The following MED13L variants were observed in gnomAD, a reference collection of about 807,000 sequenced individuals.
MED13L encodes mediator complex subunit 13L.
In MED13L, 7 loss-of-function variants were observed where a neutral mutation model predicts 220.9. The ratio of observed to expected loss-of-function variants is 0.03; its 90% CI spans 0.02 to 0.06. The LOEUF (loss-of-function observed/expected upper bound fraction) is 0.06. Ranked by LOEUF, MED13L falls within the 10% of genes least tolerant of loss-of-function variation. The pLI is 1.00. For synonymous variants in MED13L, 1,011 were observed against 1,015.2 expected (o/e 1.00, Z 0.08); for missense variants, 1,965 against 2,760.5 (o/e 0.71, Z 6.46).
rs142641802 is a variant in MED13L at position 115,999,339 on chromosome 12, C to T, written c.2570-2109G>A. On this transcript the variant is annotated intron_variant, in intron 14 of 30. Coordinates refer to ENST00000281928, the MANE Select transcript of MED13L (RefSeq NM_015335.5). Reference sequence around the variant, plus strand: ...TGAGGTGGCAGAGATTGCAGTGAGCCGAGATCTCGCCACTGCAATCCAGCC... The same window carrying T: ...TGAGGTGGCAGAGATTGCAGTGAGCTGAGATCTCGCCACTGCAATCCAGCC... Among the ~76,000 whole-genome samples the T allele has an allele frequency of 8.7e-4, 132 of 151,496 alleles. 1 individual carries two copies. The highest frequency in any genetic ancestry group is 2.9e-3 in the African/African-American group (118 of 41,278).
At chr12:116,076,430 A>G (rs1870808841) in intron 4 of MED13L, among the ~76,000 whole-genome samples, 1 of 152,074 alleles carries the variant, frequency 6.6e-6, no homozygotes, top group Non-Finnish European at 1.5e-5. Context: ...TCTGTTACTT[A>G]GGAGGCTGAG....
intron 4 of MED13L, among the ~76,000 whole-genome samples, chr12:116,094,720 T>C (rs1203310643): frequency 1.3e-5 from 2 of 152,202 alleles, no homozygotes; most frequent in Non-Finnish European, 2.9e-5. Context: ...ATGTTAGGCA[T>C]GGACAGATGT....
chr12:116,264,452 T>C (rs1872699943), intron 1 of MED13L, among the ~76,000 whole-genome samples: 1 of 152,036 alleles, frequency 6.6e-6, no homozygotes, highest in African/African-American at 2.4e-5. Context: ...AAATGGAAAA[T>C]TTCTAGCTAA....
chr12:116,015,754 C>T (rs1879688281), intron 7 of MED13L, among the ~76,000 whole-genome samples: 3 of 151,944 alleles, frequency 2.0e-5, no homozygotes, highest in Admixed American at 6.6e-5. Flanking sequence ...CACACAGTGC[C>T]CTGGGTAGGA....
intron 2 of MED13L, 78 bp from the exon 3 acceptor site, chr12:116,111,590 T>C: frequency 1.8e-6 from 2 of 1,113,366 alleles, no homozygotes; most frequent in South Asian, 2.8e-5. Context: ...TTAAAACATT[T>C]TTCTAAAGCA....
chr12:116,061,454 A>G (rs1413213434), intron 4 of MED13L, among the ~76,000 whole-genome samples: 1 of 152,184 alleles, frequency 6.6e-6, no homozygotes, highest in African/African-American at 2.4e-5. Flanking sequence ...CCTTAAGTCA[A>G]TTAACTTCTC....
chr12:116,099,695 AT>A (rs1221227118), intron 3 of MED13L, among the ~76,000 whole-genome samples: 1 of 152,250 alleles, frequency 6.6e-6, no homozygotes, highest in African/African-American at 2.4e-5. Flanking sequence ...CAAATTCTAT[AT>A]GCTGGACTTC....
intron 2 of MED13L, among the ~76,000 whole-genome samples, chr12:116,145,296 G>A (rs1167694208): frequency 1.3e-5 from 2 of 152,134 alleles, no homozygotes; most frequent in Non-Finnish European, 2.9e-5. Flanking sequence ...AGGACTCCAT[G>A]GTGTGCATAC....
At chr12:116,008,232 C>T in intron 10 of MED13L, 169 bp downstream of exon 10, 3 of 940,628 alleles carry the variant, frequency 3.2e-6, no homozygotes, top group Non-Finnish European at 3.1e-6. Flanking sequence ...GTGTGCTAAC[C>T]TATAAGTAGG....
intron 4 of MED13L, among the ~76,000 whole-genome samples, chr12:116,075,816 G>A (rs1330495446): frequency 6.6e-6 from 1 of 151,990 alleles, no homozygotes; most frequent in East Asian, 1.9e-4. Context: ...ACCATAAAGA[G>A]TATGCTATAA....
chr12:116,256,504 T>A (rs549537204), intron 1 of MED13L, among the ~76,000 whole-genome samples: 8 of 152,198 alleles, frequency 5.3e-5, no homozygotes, highest in Admixed American at 2.0e-4. Context: ...ATCATAAAAA[T>A]GTTCTCTACT....
intron 2 of MED13L, among the ~76,000 whole-genome samples, chr12:116,155,264 A>C (rs1197574322): frequency 1.3e-5 from 2 of 152,144 alleles, no homozygotes; most frequent in Non-Finnish European, 2.9e-5. Context: ...TCTACAAAAA[A>C]TTTAAAAATT....
Position 116,009,072 on chromosome 12 carries a change from T to C in MED13L, c.1341A>G (p.Pro447=). Reference sequence around the variant, plus strand: ...ATGATGATGGTCCTGCACTGAACCCTGGTTGAGATACTGTGGGAGGTCGAT... The same window carrying C: ...ATGATGATGGTCCTGCACTGAACCCCGGTTGAGATACTGTGGGAGGTCGAT... The part of the protein sequence containing the change: ...GPNRPPTVSQ[P]GFSAGPSSSS... The change falls in exon 10 of 31, where the codon CCA becomes CCG. Residue 447 remains proline (P), a synonymous_variant. Transcript: ENST00000281928. 6.2e-7 allele frequency: 1 copy of C among 1,614,126 alleles called. No individual in the cohort carries two copies. The highest frequency in any genetic ancestry group is 8.5e-7 in the Non-Finnish European group (1 of 1,179,994).
intron 2 of MED13L, among the ~76,000 whole-genome samples, chr12:116,192,348 A>G (rs1209974616): frequency 1.3e-5 from 2 of 152,276 alleles, no homozygotes; most frequent in Admixed American, 1.3e-4. Context: ...AAAATGTAAC[A>G]CAATTTCTAA....
chr12:115,968,400 C>T (rs1323155996), intron 28 of MED13L, among the ~76,000 whole-genome samples: 1 of 152,216 alleles, frequency 6.6e-6, no homozygotes, highest in African/African-American at 2.4e-5. Context: ...CTGGACACAT[C>T]TGTAAAATCA....
intron 2 of MED13L, among the ~76,000 whole-genome samples, chr12:116,134,999 C>A (rs561364029): frequency 5.5e-4 from 83 of 152,074 alleles, no homozygotes; most frequent in African/African-American, 2.0e-3. Flanking sequence ...GAAACCCTGC[C>A]GCTACTAAAA....
At chr12:116,083,434 C>T (rs543779830) in intron 4 of MED13L, among the ~76,000 whole-genome samples, 6 of 147,360 alleles carry the variant, frequency 4.1e-5, no homozygotes, top group Admixed American at 1.4e-4. Flanking sequence ...AAAACACCTG[C>T]GCAACAAAGT....
At chr12:115,977,711 A>G (rs1877031169) in intron 23 of MED13L, among the ~76,000 whole-genome samples, 1 of 152,216 alleles carries the variant, frequency 6.6e-6, no homozygotes, top group African/African-American at 2.4e-5. Flanking sequence ...AAAAGATCGC[A>G]TATGGCCAGG....
intron 4 of MED13L, among the ~76,000 whole-genome samples, chr12:116,059,103 T>C (rs900897061): frequency 6.6e-6 from 1 of 152,252 alleles, no homozygotes; most frequent in Non-Finnish European, 1.5e-5. Context: ...GGTCTCGCTC[T>C]GTCACCCAGG....
Sources: allele counts gnomAD v4.1 joint callset (sites outside exome capture counted in the v4.1 genomes callset), GRCh38; gene constraint gnomAD v4.1.1; transcripts MANE v1.5; gene names NCBI Gene and HGNC (gene_info 2026-07-23, HGNC 2026-07-21).